RANBP3: variants seen among roughly 807,000 people sequenced by gnomAD.
RANBP3 encodes ran-binding protein 3.
Under a neutral mutation model 77.3 loss-of-function variants are expected in RANBP3, and 14 were observed. The ratio of observed to expected loss-of-function variants is 0.18; its 90% CI spans 0.12 to 0.28. The LOEUF (loss-of-function observed/expected upper bound fraction) is 0.28, where lower values mean the gene tolerates loss of function less well. Ranked by LOEUF, RANBP3 falls within the 10% of genes least tolerant of loss-of-function variation. The pLI is 1.00. For synonymous variants in RANBP3, 315 were observed against 312.4 expected, an observed-to-expected ratio of 1.01 and a Z score of -0.09; for missense variants, 586 against 752.3, an observed-to-expected ratio of 0.78 and a Z score of 2.59.
At chr19:5,976,902 T>C (rs528346290) in intron 1 of RANBP3, among the ~76,000 whole-genome samples, 1 of 152,172 alleles carries the variant, frequency 6.6e-6, no homozygotes, top group Non-Finnish European at 1.5e-5. Flanking sequence ...TTGGTTCACA[T>C]CCCTGCTCCT....
At chr19:5,974,971 G>T (rs1452953803) in intron 1 of RANBP3, among the ~76,000 whole-genome samples, 1 of 152,196 alleles carries the variant, frequency 6.6e-6, no homozygotes, top group Non-Finnish European at 1.5e-5. Context: ...GTGTGAGGGT[G>T]GAGCAACTTA....
intron 3 of RANBP3, among the ~76,000 whole-genome samples, chr19:5,945,045 G>A (rs1388020408): frequency 6.6e-6 from 1 of 152,112 alleles, no homozygotes; most frequent in African/African-American, 2.4e-5. Flanking sequence ...TTGGTGAGGT[G>A]ACCTCCAGGC....
At chr19:5,962,390 C>T (rs2058414710) in intron 1 of RANBP3, among the ~76,000 whole-genome samples, 1 of 152,104 alleles carries the variant, frequency 6.6e-6, no homozygotes, top group African/African-American at 2.4e-5. Context: ...CAGCATCTAC[C>T]CCTAGATGTA....
In RANBP3 at chr19:5,933,065, CCTG is replaced by C. The variant is rs1212512450; in HGVS notation, c.472+346_472+348del. The C allele has an allele frequency of 9.4e-5, 28 of 297,604 alleles. No homozygotes were observed. The Admixed American group carries it at 1.3e-3, about 14-fold the overall frequency. The allele number at this position is 297,604 out of a possible 1,614,324, so 18.4% of individuals were successfully genotyped here. A position where few individuals can be genotyped will look rare whatever the true frequency, so the allele number is the denominator to read the frequency against. On this transcript the variant is annotated intron_variant, in intron 6 of 16. Coordinates refer to ENST00000340578, the MANE Select transcript of RANBP3 (RefSeq NM_007322.3). ...CAGCGCGCCGCTGGAATGCAGCCAC[CCTG>C]CTAACTGGGGCGAACACTGTGGTAT...
rs955273463 is a variant in RANBP3, at chr19:5,925,586, C to A, written c.917+48G>T. ...CCCTCTCTGGCAGAAGCCCTCGCGG[C>A]CACCTGCATCGCCATGCCAGGCTGG... On this transcript the variant is annotated intron_variant, in intron 10 of 16. Transcript: ENST00000340578. 2.6e-6 allele frequency: 4 copies of A among 1,549,060 alleles called. No homozygotes were observed. The African/African-American group carries it at 5.4e-5, about 21-fold the overall frequency.
At chr19:5,945,021 C>G (rs181125150) in intron 3 of RANBP3, among the ~76,000 whole-genome samples, 1 of 152,146 alleles carries the variant, frequency 6.6e-6, no homozygotes. Flanking sequence ...TTCCCTCAAG[C>G]GAGAATGAAC....
rs773785435 is a variant in RANBP3, at chr19:5,933,451, C to T, written c.435G>A (p.Lys145=). Residue 145 remains lysine (K), a synonymous_variant, in exon 6 of 17, where the codon AAG becomes AAA. Transcript: ENST00000340578. ...CTTGGCCGTGGATCAGCGTTGGTGGCTTCAACCGGAAGCCACTGCTCCTTT... is the reference window on the plus strand; with the variant it reads ...CTTGGCCGTGGATCAGCGTTGGTGGTTTCAACCGGAAGCCACTGCTCCTTT... The part of the protein sequence containing the change: ...SEERSSGFRL[K]PPTLIHGQAP... 6.8e-6 allele frequency: 11 copies of T among 1,613,232 alleles called. No homozygotes were observed. In the South Asian group the frequency reaches 7.7e-5, roughly 11 times the overall value.
At chr19:5,933,524 G>T in intron 5 of RANBP3, 45 bp from the exon 6 acceptor site, 1 of 1,575,552 alleles carries the variant, frequency 6.3e-7, no homozygotes. Context: ...TGCCTGGGCT[G>T]GGGCTGGGCC....
chr19:5,963,452 G>A (rs1215357580), intron 1 of RANBP3, among the ~76,000 whole-genome samples: 5 of 152,194 alleles, frequency 3.3e-5, no homozygotes, highest in African/African-American at 1.2e-4. Flanking sequence ...TTGGGAGGCC[G>A]AGGTGGGAGG....
At chr19:5,926,931 T>C (rs1054359608) in intron 9 of RANBP3, among the ~76,000 whole-genome samples, 1 of 152,154 alleles carries the variant, frequency 6.6e-6, no homozygotes, top group Admixed American at 6.5e-5. Flanking sequence ...TTTTTGTTTA[T>C]TTCAGGGCCC....
At chr19:5,933,321 G>T in intron 6 of RANBP3, 93 bp downstream of exon 6, 2 of 989,438 alleles carry the variant, frequency 2.0e-6, no homozygotes, top group Non-Finnish European at 3.0e-6. Context: ...TTTCTAGAAA[G>T]CAGGCTGAGC....
rs563139486 is a variant in RANBP3, at chr19:5,917,246, G to A, written c.*364C>T. On this transcript the variant is annotated 3_prime_UTR_variant, in exon 17 of 17. Transcript: ENST00000340578. ...GCAGGGTGGGAAGGGTGTGGGTGGC[G>A]GAGAAGCCAGGGGCTCTGGCTGGAC... 2.3e-3 allele frequency: 828 copies of A among 353,460 alleles called. No individual in the cohort carries two copies. Among genetic ancestry groups the A allele is most frequent in the Non-Finnish European group, 3.8e-3 (714 of 187,430 alleles). The allele number at this position is 353,460 out of a possible 1,614,324, so 21.9% of individuals were successfully genotyped here. A position where few individuals can be genotyped will look rare whatever the true frequency, so the allele number is the denominator to read the frequency against.
At chr19:5,955,925 G>T (rs540123374) in intron 2 of RANBP3, among the ~76,000 whole-genome samples, 2 of 152,192 alleles carry the variant, frequency 1.3e-5, no homozygotes, top group East Asian at 3.9e-4. Flanking sequence ...AACACAGCAA[G>T]ACACCATCTC....
In RANBP3 at chr19:5,958,044, T is replaced by C; in HGVS notation, c.23-71A>G. ...TACAGTAAACAAAGCTACACTTGTT[T>C]GTAATATGTTAAACATATATATAAA... On this transcript the variant is annotated intron_variant, in intron 1 of 16. Coordinates refer to ENST00000340578, the MANE Select transcript of RANBP3 (RefSeq NM_007322.3). The surrounding 1 kb of genome is among the most constrained non-coding windows in gnomAD (Gnocchi z 4.4). The C allele has an allele frequency of 7.4e-7, 1 of 1,342,510 alleles. No homozygotes were observed. The highest frequency in any genetic ancestry group is 1.1e-6 in the Non-Finnish European group (1 of 937,216). 83.2% of individuals were successfully genotyped at this position (1,342,510 alleles called of 1,614,324 possible).
intron 5 of RANBP3, among the ~76,000 whole-genome samples, chr19:5,940,712 T>C (rs2058124628): frequency 1.3e-5 from 2 of 152,208 alleles, no homozygotes; most frequent in East Asian, 1.9e-4. Context: ...TGGATTTCAG[T>C]TGGGTAACCA....
intron 5 of RANBP3, chr19:5,935,770 G>A: frequency 2.2e-6 from 1 of 456,736 alleles, no homozygotes; most frequent in South Asian, 1.5e-5. Context: ...AAAATCTGGA[G>A]GTCCCTGTCA....
chr19:5,921,171 C>T lies in RANBP3; in HGVS notation c.1330+30G>A, dbSNP rs367727131. The stretch of plus-strand genomic sequence containing the variant: ...GTCCCCAGCCCTCCCCATGGGGACC[C>T]GGCCACAGCCCCCGCCGTCGGCAGC... On this transcript the variant is annotated intron_variant, in intron 14 of 16. Transcript: ENST00000340578. The surrounding 1 kb of genome is among the most constrained non-coding windows in gnomAD (Gnocchi z 5.3). 5.5e-5 allele frequency: 88 copies of T among 1,597,798 alleles called. No homozygotes were observed. Among genetic ancestry groups the T allele is most frequent in the African/African-American group, 4.2e-4 (31 of 74,580 alleles).
chr19:5,949,441 C>G (rs2145176289), intron 3 of RANBP3, among the ~76,000 whole-genome samples: 1 of 152,356 alleles, frequency 6.6e-6, no homozygotes, highest in Admixed American at 6.5e-5. Flanking sequence ...GGGAAGAGCC[C>G]TGGTCAGCTC....
chr19:5,931,478 C>A lies in RANBP3; in HGVS notation c.619G>T (p.Val207Leu). 1 of 1,612,942 alleles carries A rather than the reference C, an allele frequency of 6.2e-7. No individual in the cohort carries two copies. The highest frequency in any genetic ancestry group is 8.5e-7 in the Non-Finnish European group (1 of 1,179,608). The part of the protein sequence containing the change: ...VSLPADCTGA[V>L]PAASPDTAAW... ...GCAGTGTCAGGGGATGCTGCGGGCA[C>A]TGCCCCCGTGCAGTCTGCTGGGAGG... The change falls in exon 8 of 17, where the codon GTG (valine) becomes TTG (leucine). Residue 207 changes from valine to leucine, a missense_variant. Val to Leu is a conservative substitution (Grantham distance 32). Transcript: ENST00000340578.
Sources: allele counts gnomAD v4.1 joint callset (sites outside exome capture counted in the v4.1 genomes callset), GRCh38; gene constraint gnomAD v4.1.1; non-coding constraint Gnocchi (gnomAD v3.1); transcripts MANE v1.5; gene names NCBI Gene and HGNC (gene_info 2026-07-23, HGNC 2026-07-21).